Variants in CPA6 observed in about 807,000 individuals in gnomAD.
CPA6 encodes the protein carboxypeptidase A6.
CPA6 carries 58 observed loss-of-function variants against 63.3 expected under a neutral mutation model. The ratio of observed to expected loss-of-function variants is 0.92; its 90% CI spans 0.74 to 1.14. The LOEUF is 1.14. CPA6 is among the 50% of genes most tolerant of loss of function. CPA6 has a pLI of 0.00. For missense variants in CPA6, 565 were observed against 526.6 expected (o/e 1.07, Z -0.71); for synonymous variants, 185 against 179.0 (o/e 1.03, Z -0.27).
intron 2 of CPA6, among the ~76,000 whole-genome samples, chr8:67,536,682 A>C (rs1812592148): frequency 6.6e-6 from 1 of 152,098 alleles, no homozygotes. Context: ...TTTGAATACC[A>C]TTTATTTCTT....
At chr8:67,569,322 T>C (rs762730784) in intron 2 of CPA6, 2 of 178,368 alleles carry the variant, frequency 1.1e-5, no homozygotes, top group Admixed American at 6.1e-5. Flanking sequence ...TAGGATAACA[T>C]ATTCAAAGTG....
intron 2 of CPA6, among the ~76,000 whole-genome samples, chr8:67,595,294 G>C (rs975015663): frequency 6.6e-6 from 1 of 152,184 alleles, no homozygotes; most frequent in Non-Finnish European, 1.5e-5. Context: ...GCCCCTGCTC[G>C]GGGGTGCCTC....
intron 8 of CPA6, among the ~76,000 whole-genome samples, chr8:67,448,639 G>GAAAAAAAA (rs61317091): frequency 4.3e-5 from 1 of 23,302 alleles, no homozygotes; most frequent in African/African-American, 1.7e-4. Context: ...CTCAAAAAAG[G>GAAAAAAAA]AAAAAAAAAA....
chr8:67,528,393 T>C (rs1812409334), intron 2 of CPA6, among the ~76,000 whole-genome samples: 1 of 152,170 alleles, frequency 6.6e-6, no homozygotes, highest in Admixed American at 6.5e-5. Context: ...ACTGGGAATG[T>C]TGGCGTTTAC....
chr8:67,581,518 TG>T (rs1813771541), intron 2 of CPA6, among the ~76,000 whole-genome samples: 1 of 152,208 alleles, frequency 6.6e-6, no homozygotes, highest in Non-Finnish European at 1.5e-5. Context: ...TGAGTTGTCC[TG>T]GGGAAGGATC....
At chr8:67,619,060 C>G (rs1815020741) in intron 2 of CPA6, among the ~76,000 whole-genome samples, 1 of 152,192 alleles carries the variant, frequency 6.6e-6, no homozygotes, top group Non-Finnish European at 1.5e-5. Flanking sequence ...GTCTAATTAA[C>G]TATGCTTTGA....
intron 1 of CPA6, among the ~76,000 whole-genome samples, chr8:67,681,195 A>ATTTTTT (rs1554533441): frequency 4.1e-5 from 4 of 97,138 alleles, no homozygotes; most frequent in Admixed American, 1.9e-4. Flanking sequence ...GGTCACAAAG[A>ATTTTTT]TTTTCTTTTT....
intron 2 of CPA6, among the ~76,000 whole-genome samples, chr8:67,575,987 T>G (rs953800751): frequency 2.6e-5 from 4 of 152,008 alleles, no homozygotes; most frequent in African/African-American, 9.7e-5. Flanking sequence ...TTGAAAACAA[T>G]TGAATTCATG....
intron 1 of CPA6, among the ~76,000 whole-genome samples, chr8:67,701,067 T>A (rs1817014462): frequency 6.6e-6 from 1 of 152,104 alleles, no homozygotes; most frequent in African/African-American, 2.4e-5. Context: ...GCAAAGTACA[T>A]CCCAGTACTA....
At chr8:67,454,826 G>A (rs897084907) in intron 8 of CPA6, among the ~76,000 whole-genome samples, 4 of 152,200 alleles carry the variant, frequency 2.6e-5, no homozygotes, top group African/African-American at 9.7e-5. Flanking sequence ...GTATTGAGAT[G>A]TAAAACTCTA....
At chr8:67,542,406 C>T (rs1333658916) in intron 2 of CPA6, among the ~76,000 whole-genome samples, 1 of 152,182 alleles carries the variant, frequency 6.6e-6, no homozygotes, top group East Asian at 1.9e-4. Context: ...AAGGTTAAGT[C>T]TTCCACCAGT....
Position 67,496,628 on chromosome 8 carries a change from T to C in CPA6, c.636+10159A>G, listed in dbSNP as rs192842834. On this transcript the variant is annotated intron_variant, in intron 6 of 10. Coordinates refer to ENST00000297770, the MANE Select transcript of CPA6 (RefSeq NM_020361.5). ...CAGGCTAGAGTGCAGTGGCACAATC[T>C]TGGCAGATTGCAACCTCCGCCTCCC... 2.2e-3 allele frequency among the ~76,000 whole-genome samples: 326 copies of C among 149,870 alleles called. 1 individual carries two copies. Among genetic ancestry groups the C allele is most frequent in the African/African-American group, 7.3e-3 (298 of 40,784 alleles).
At chr8:67,598,141 G>T (rs1814393670) in intron 2 of CPA6, among the ~76,000 whole-genome samples, 1 of 152,078 alleles carries the variant, frequency 6.6e-6, no homozygotes, top group African/African-American at 2.4e-5. Context: ...CTCCACCCTG[G>T]CAATCCCTGT....
chr8:67,483,265 AG>A (rs2128961164), intron 8 of CPA6: 1 of 153,064 alleles, frequency 6.5e-6, no homozygotes, highest in East Asian at 1.9e-4. Context: ...TTTATTTTAA[AG>A]GTGATTATTA....
Position 67,662,622 on chromosome 8 carries a change from A to C in CPA6, c.117-38371T>G, listed in dbSNP as rs1316077905. Among the ~76,000 whole-genome samples the C allele has an allele frequency of 5.3e-5, 8 of 151,340 alleles. No individual in the cohort carries two copies. The East Asian group carries it at 1.6e-3, about 29-fold the overall frequency. ...AATACATACACACGTATATGTATAT[A>C]TAGAATACATACACACATGTATATG... On this transcript the variant is annotated intron_variant, in intron 1 of 10. Coordinates refer to ENST00000297770, the MANE Select transcript of CPA6 (RefSeq NM_020361.5).
chr8:67,666,084 T>C (rs1052997786), intron 1 of CPA6, among the ~76,000 whole-genome samples: 1 of 152,244 alleles, frequency 6.6e-6, no homozygotes, highest in African/African-American at 2.4e-5. Context: ...CATGATCCAC[T>C]GTTCCTTCTG....
At chr8:67,549,210 T>G (rs1391155822) in intron 2 of CPA6, among the ~76,000 whole-genome samples, 1 of 152,154 alleles carries the variant, frequency 6.6e-6, no homozygotes, top group African/African-American at 2.4e-5. Context: ...CTGATTTTGC[T>G]TATCTAAGGA....
chr8:67,457,468 C>A (rs1810701259), intron 8 of CPA6, among the ~76,000 whole-genome samples: 1 of 152,084 alleles, frequency 6.6e-6, no homozygotes, highest in African/African-American at 2.4e-5. Context: ...AGCTCCACAG[C>A]AATCTGATCC....
At chr8:67,728,459 C>T (rs993315096) in intron 1 of CPA6, among the ~76,000 whole-genome samples, 1 of 152,098 alleles carries the variant, frequency 6.6e-6, no homozygotes, top group Non-Finnish European at 1.5e-5. Flanking sequence ...TTATAGCCGG[C>T]ACAAAAGGGT....
Sources: allele counts gnomAD v4.1 joint callset (sites outside exome capture counted in the v4.1 genomes callset), GRCh38; gene constraint gnomAD v4.1.1; transcripts MANE v1.5; gene names NCBI Gene and HGNC (gene_info 2026-07-23, HGNC 2026-07-21).